The following MEGF11 variants were observed in gnomAD, a reference collection of about 807,000 sequenced individuals.
The protein encoded by MEGF11 is multiple epidermal growth factor-like domains protein 11.
A neutral mutation model predicts 146.6 loss-of-function variants in MEGF11; 126 were observed. That is an observed-to-expected ratio of 0.86 (90% confidence interval 0.74 to 1.00). The LOEUF (loss-of-function observed/expected upper bound fraction) is 1.00, where lower values mean the gene tolerates loss of function less well. Among genes scored for constraint, MEGF11 ranks in the 50% least tolerant of loss-of-function variants. MEGF11 has a pLI of 0.00. For missense variants in MEGF11, 1,509 were observed against 1,521.2 expected (o/e 0.99, Z 0.13); for synonymous variants, 532 against 583.4 (o/e 0.91, Z 1.27).
At chr15:66,195,335 A>G (rs1221705888) in intron 1 of MEGF11, among the ~76,000 whole-genome samples, 1 of 152,238 alleles carries the variant, frequency 6.6e-6, no homozygotes, top group Non-Finnish European at 1.5e-5. Context: ...CCACAACAAC[A>G]TTCTAAGACA....
At chr15:66,137,659 G>A (rs1481111083) in intron 1 of MEGF11, among the ~76,000 whole-genome samples, 1 of 151,334 alleles carries the variant, frequency 6.6e-6, no homozygotes, top group Admixed American at 6.6e-5. Flanking sequence ...GCTTAAGAGA[G>A]CCTCCCACCT....
chr15:66,121,271 C>T (rs1315135004), intron 3 of MEGF11, among the ~76,000 whole-genome samples: 3 of 152,188 alleles, frequency 2.0e-5, no homozygotes, highest in Non-Finnish European at 4.4e-5. Context: ...AGCAGCACTA[C>T]TATTTCTGCC....
chr15:66,229,290 C>T (rs371619347), intron 1 of MEGF11, among the ~76,000 whole-genome samples: 3 of 152,068 alleles, frequency 2.0e-5, no homozygotes, highest in African/African-American at 7.2e-5. Flanking sequence ...AGCCCCAATG[C>T]GCACCAGGGC....
At chr15:66,044,048 A>C (rs182806756) in intron 5 of MEGF11, among the ~76,000 whole-genome samples, 2 of 152,310 alleles carry the variant, frequency 1.3e-5, no homozygotes, top group Non-Finnish European at 2.9e-5. Context: ...TGTATGGAGG[A>C]AAGTTTTGAG....
At chr15:66,185,650 C>T (rs528259994) in intron 1 of MEGF11, among the ~76,000 whole-genome samples, 1 of 152,198 alleles carries the variant, frequency 6.6e-6, no homozygotes, top group African/African-American at 2.4e-5. Context: ...GGAGGTCACC[C>T]CAAAGTGTGG....
At chr15:65,972,240 T>C (rs536018328) in intron 7 of MEGF11, among the ~76,000 whole-genome samples, 83 of 152,136 alleles carry the variant, frequency 5.5e-4, no homozygotes, top group Non-Finnish European at 8.8e-4. Flanking sequence ...GGTGAGTAAA[T>C]TGATGGAAAA....
chr15:66,163,058 AG>A (rs1164911716), intron 1 of MEGF11, among the ~76,000 whole-genome samples: 2 of 152,118 alleles, frequency 1.3e-5, no homozygotes, highest in African/African-American at 2.4e-5. Flanking sequence ...ATTCAACCAA[AG>A]CCTAGAACAA....
At chr15:66,154,513 G>A (rs577921652) in intron 1 of MEGF11, among the ~76,000 whole-genome samples, 27 of 152,252 alleles carry the variant, frequency 1.8e-4, no homozygotes, top group African/African-American at 6.5e-4. Context: ...AATAATCCAG[G>A]GATTTAACAG....
intron 5 of MEGF11, among the ~76,000 whole-genome samples, chr15:66,006,476 C>T (rs2082524128): frequency 6.6e-6 from 1 of 152,164 alleles, no homozygotes; most frequent in Non-Finnish European, 1.5e-5. Context: ...AAACTTTCTC[C>T]TTCCCCCATT....
intron 5 of MEGF11, among the ~76,000 whole-genome samples, chr15:66,038,358 C>G (rs1381093977): frequency 6.6e-6 from 1 of 152,150 alleles, no homozygotes; most frequent in East Asian, 1.9e-4. Flanking sequence ...CACTTCCCTG[C>G]CTGCCTCTGA....
intron 13 of MEGF11, among the ~76,000 whole-genome samples, 196 bp downstream of exon 13, chr15:65,928,229 A>T (rs969904640): frequency 3.3e-5 from 5 of 152,336 alleles, no homozygotes; most frequent in Admixed American, 2.0e-4. Context: ...GACAGAGCTT[A>T]TACCTAATAG....
At chr15:66,065,302 A>G (rs768520469) in intron 5 of MEGF11, among the ~76,000 whole-genome samples, 7 of 127,976 alleles carry the variant, frequency 5.5e-5, no homozygotes, top group Non-Finnish European at 6.6e-5. Flanking sequence ...TATGATGGTG[A>G]AAAAAAAAAA....
chr15:65,957,248 T>G (rs2080681055), intron 10 of MEGF11, among the ~76,000 whole-genome samples: 1 of 152,082 alleles, frequency 6.6e-6, no homozygotes, highest in Non-Finnish European at 1.5e-5. Context: ...TACATTGTGG[T>G]TTTTCTGATG....
chr15:65,898,053 A>G lies in MEGF11; in HGVS notation c.3304T>C (p.Ser1102Pro). 12 of 1,613,962 alleles carry G rather than the reference A, an allele frequency of 7.4e-6. No homozygotes were observed. The highest frequency in any genetic ancestry group is 1.0e-5 in the Non-Finnish European group (12 of 1,179,852). The change falls in exon 26 of 26, where the codon TCC (serine) becomes CCC (proline). Residue 1102 changes from serine (S) to proline (P), a missense_variant. Transcript: ENST00000395614. ...SVVQEGCGHN[S>P]SYIQNAYDLP... ...TCGTATGCATTCTGGATATAGCTGG[A>G]GTTATGACCGCAACCTTCTTGGACC...
At position 65,911,638 on chromosome 15, in the gene MEGF11, C is replaced by T. The variant is rs754700289; in HGVS notation, c.2829+444G>A. On this transcript the variant is annotated intron_variant, in intron 21 of 25. Transcript: ENST00000395614. ...ATCTTGGCCAGGATGGTCTCAATATCTCGACCTTGTGATCCGCCTGCCTCG... is the reference window on the plus strand; with the variant it reads ...ATCTTGGCCAGGATGGTCTCAATATTTCGACCTTGTGATCCGCCTGCCTCG... Among the ~76,000 whole-genome samples the T allele has an allele frequency of 3.7e-4, 56 of 152,300 alleles. 1 individual carries two copies. The highest frequency in any genetic ancestry group is 3.1e-4 in the Non-Finnish European group (21 of 68,022).
At chr15:66,078,742 G>C (rs1263864284) in intron 5 of MEGF11, among the ~76,000 whole-genome samples, 1 of 152,100 alleles carries the variant, frequency 6.6e-6, no homozygotes, top group Admixed American at 6.5e-5. Context: ...TTGCCAGCAC[G>C]TGCGACAACG....
In MEGF11 at chr15:66,094,501, G is replaced by A. The variant is rs1465291618; in HGVS notation, c.302-7C>T. 3 of 1,555,726 alleles carry A rather than the reference G, an allele frequency of 1.9e-6. No individual in the cohort carries two copies. The highest frequency in any genetic ancestry group is 1.2e-5 in the South Asian group (1 of 84,140). On this transcript the variant is annotated splice_polypyrimidine_tract_variant and splice_region_variant and intron_variant, in intron 4 of 25. Transcript: ENST00000395614. ...CACTCCTCCGTACACAGGGCTGAGG[G>A]GACATGGGGAGAGGGAGGAAGAACC...
At chr15:66,050,066 A>T (rs895715225) in intron 5 of MEGF11, among the ~76,000 whole-genome samples, 3 of 152,178 alleles carry the variant, frequency 2.0e-5, no homozygotes, top group Non-Finnish European at 2.9e-5. Flanking sequence ...AAAAATTTTT[A>T]AAAATATAAT....
At chr15:66,024,658 G>A (rs1302326640) in intron 5 of MEGF11, among the ~76,000 whole-genome samples, 2 of 152,216 alleles carry the variant, frequency 1.3e-5, no homozygotes, top group African/African-American at 2.4e-5. Flanking sequence ...GAGAGGTGAA[G>A]TAAATCACCC....
Sources: allele counts gnomAD v4.1 joint callset (sites outside exome capture counted in the v4.1 genomes callset), GRCh38; gene constraint gnomAD v4.1.1; transcripts MANE v1.5; gene names NCBI Gene and HGNC (gene_info 2026-07-23, HGNC 2026-07-21).